The following DOCK1 variants were observed in gnomAD, a reference collection of about 807,000 sequenced individuals.
DOCK1 encodes dedicator of cytokinesis 1, also known as dedicator of cytokinesis protein 1.
A neutral mutation model predicts 262.7 loss-of-function variants in DOCK1; 138 were observed. That is an observed-to-expected ratio of 0.53 (90% CI 0.46 to 0.61). The LOEUF (loss-of-function observed/expected upper bound fraction) is 0.61. Among genes scored for constraint, DOCK1 ranks in the 20% least tolerant of loss-of-function variants. DOCK1 has a pLI of 0.00. For missense variants in DOCK1, 1,908 were observed against 2,370.7 expected, an observed-to-expected ratio of 0.80 and a Z score of 4.05; for synonymous variants, 866 against 867.4, an observed-to-expected ratio of 1.00 and a Z score of 0.03.
intron 28 of DOCK1, among the ~76,000 whole-genome samples, chr10:127,253,662 C>T (rs1365784223): frequency 2.0e-5 from 3 of 151,794 alleles, no homozygotes. Flanking sequence ...TCTATTGAGC[C>T]CAGAAATTCA....
At chr10:127,139,472 G>A (rs905125433) in intron 27 of DOCK1, among the ~76,000 whole-genome samples, 6 of 151,272 alleles carry the variant, frequency 4.0e-5, no homozygotes, top group Middle Eastern at 3.4e-3. Flanking sequence ...CCCTTTTTTC[G>A]AAGAGCCTCT....
chr10:126,948,759 C>G (rs1020886420), intron 1 of DOCK1, among the ~76,000 whole-genome samples: 1 of 152,072 alleles, frequency 6.6e-6, no homozygotes, highest in African/African-American at 2.4e-5. Context: ...CAAGCTTCCC[C>G]TCCCTGGAAT....
chr10:127,357,106 C>T (rs73384673), intron 32 of DOCK1, among the ~76,000 whole-genome samples: 765 of 152,254 alleles, frequency 5.0e-3, no homozygotes, highest in African/African-American at 0.018. Flanking sequence ...CCTGAGCACC[C>T]CCAGGATCCT....
chr10:127,056,227 C>T (rs1257299707), intron 22 of DOCK1, among the ~76,000 whole-genome samples: 4 of 152,116 alleles, frequency 2.6e-5, no homozygotes, highest in African/African-American at 9.7e-5. Flanking sequence ...TGATTTGAGA[C>T]AGGACCTCCC....
Position 126,921,154 on chromosome 10 carries a change from C to T in DOCK1, c.46+15591C>T, listed in dbSNP as rs186095888. Among the ~76,000 whole-genome samples the T allele has an allele frequency of 2.7e-5, 4 of 147,236 alleles. No individual in the cohort carries two copies. The East Asian group carries it at 6.0e-4, about 22-fold the overall frequency. ...GGCAGAGGTTGCAGTGAGCCGAGGT[C>T]GCACCATTGCACTCCAGTCTGAGCA... is the stretch of plus-strand genomic sequence containing the variant. On this transcript the variant is annotated intron_variant, in intron 1 of 51. Transcript: ENST00000623213.
chr10:127,392,999 G>A (rs1051097271), intron 38 of DOCK1, among the ~76,000 whole-genome samples: 2 of 152,150 alleles, frequency 1.3e-5, no homozygotes, highest in African/African-American at 2.4e-5. Flanking sequence ...TTAAGTGACC[G>A]AACGGGCAGA....
At chr10:127,430,860 A>G (rs1366928329) in intron 47 of DOCK1, among the ~76,000 whole-genome samples, 3 of 152,152 alleles carry the variant, frequency 2.0e-5, no homozygotes, top group African/African-American at 4.8e-5. Context: ...GTGGGACGTT[A>G]CAGCTCAGCC....
intron 27 of DOCK1, among the ~76,000 whole-genome samples, chr10:127,206,195 G>C (rs1457394830): frequency 8.9e-6 from 1 of 112,726 alleles, no homozygotes; most frequent in Non-Finnish European, 1.6e-5. Flanking sequence ...CCAGGCTATA[G>C]TGCAGTGGTG....
intron 27 of DOCK1, among the ~76,000 whole-genome samples, chr10:127,199,915 C>G (rs2057377360): frequency 6.6e-6 from 1 of 152,162 alleles, no homozygotes; most frequent in Admixed American, 6.5e-5. Flanking sequence ...GTGTGATTAA[C>G]CTGTATCCTC....
chr10:127,125,707 T>G, intron 26 of DOCK1, 106 bp downstream of exon 26: 1 of 1,456,050 alleles, frequency 6.9e-7, no homozygotes, highest in Non-Finnish European at 9.1e-7. Context: ...GATTTTAAGG[T>G]CTAGCCTCTC....
At chr10:127,113,586 C>A (rs1318348974) in intron 25 of DOCK1, among the ~76,000 whole-genome samples, 3 of 152,168 alleles carry the variant, frequency 2.0e-5, no homozygotes, top group African/African-American at 7.2e-5. Context: ...GTAGGCCAGG[C>A]CTTACAGTGC....
Position 127,347,872 on chromosome 10 carries a change from C to G in DOCK1, c.3224+4126C>G. Among the ~76,000 whole-genome samples the G allele has an allele frequency of 2.4e-5, 2 of 81,854 alleles. 1 individual carries two copies. 53.7% of individuals were successfully genotyped at this position (81,854 alleles called of 152,430 possible). A position where few individuals can be genotyped will look rare whatever the true frequency, so the allele number is the denominator to read the frequency against. Reference sequence around the variant, plus strand: ...CCCTTCCCTTCCCTTCCCTTCCCTTCCCTTCCCTTCCCATCCCTTCCCTTC... The same window carrying G: ...CCCTTCCCTTCCCTTCCCTTCCCTTGCCTTCCCTTCCCATCCCTTCCCTTC... On this transcript the variant is annotated intron_variant, in intron 31 of 51. Transcript: ENST00000623213.
At chr10:127,062,041 A>G (rs2045569829) in intron 23 of DOCK1, among the ~76,000 whole-genome samples, 1 of 146,892 alleles carries the variant, frequency 6.8e-6, no homozygotes. Context: ...GCTTGAAGCA[A>G]TTCTCCTGTC....
At chr10:127,069,667 A>G (rs2046095507) in intron 23 of DOCK1, among the ~76,000 whole-genome samples, 1 of 152,056 alleles carries the variant, frequency 6.6e-6, no homozygotes, top group Non-Finnish European at 1.5e-5. Context: ...CATTGTCTGT[A>G]TGGAGACAGA....
intron 38 of DOCK1, among the ~76,000 whole-genome samples, chr10:127,388,182 T>C (rs61870315): frequency 0.31 from 46,483 of 152,146 alleles, 7,514 homozygotes; most frequent in Admixed American, 0.46. Flanking sequence ...ACTCAAGGAA[T>C]GTCCTCAGAT....
In DOCK1 at chr10:126,962,874, G is replaced by A. The variant is rs919915578; in HGVS notation, c.47-7828G>A. On this transcript the variant is annotated intron_variant, in intron 1 of 51. Coordinates refer to ENST00000623213, the MANE Select transcript of DOCK1 (RefSeq NM_001290223.2). ...TTTATAGTTTTAGCTCTTATGTTTA[G>A]GTCTTTCATCCATTTTGAGTTAATT... 2.9e-3 allele frequency among the ~76,000 whole-genome samples: 435 copies of A among 152,146 alleles called. 1 individual carries two copies. The highest frequency in any genetic ancestry group is 4.5e-3 in the Admixed American group (69 of 15,278).
At chr10:127,020,827 G>T (rs1308651021) in intron 13 of DOCK1, among the ~76,000 whole-genome samples, 1 of 152,170 alleles carries the variant, frequency 6.6e-6, no homozygotes, top group Non-Finnish European at 1.5e-5. Flanking sequence ...TGCAGAACCT[G>T]TGTATCACCC....
Position 127,091,831 on chromosome 10 carries a change from G to A in DOCK1, c.2446-14400G>A, listed in dbSNP as rs564472192. ...AGACCCTGTTCTCAGGGAAGCTCCT[G>A]TGCACCGACTGCATGCTCTATAGAC... is the stretch of plus-strand genomic sequence containing the variant. On this transcript the variant is annotated intron_variant, in intron 23 of 51. Coordinates refer to ENST00000623213, the MANE Select transcript of DOCK1 (RefSeq NM_001290223.2). Among the ~76,000 whole-genome samples, 13 of 152,304 alleles carry A rather than the reference G, an allele frequency of 8.5e-5. No individual in the cohort carries two copies. In the East Asian group the frequency reaches 2.1e-3, roughly 25 times the overall value.
chr10:127,221,663 G>A (rs144248634), intron 27 of DOCK1, among the ~76,000 whole-genome samples: 193 of 152,252 alleles, frequency 1.3e-3, no homozygotes, highest in African/African-American at 4.4e-3. Flanking sequence ...GTGCATCAAC[G>A]CTCAAGGTCA....
Sources: gnomAD v4.1 joint callset for allele counts (sites outside exome capture counted in the v4.1 genomes callset) on GRCh38, gnomAD v4.1.1 for gene constraint, MANE v1.5 for transcripts, NCBI Gene and HGNC (gene_info 2026-07-23, HGNC 2026-07-21) for gene names.